Variants in ANXA9 observed in about 807,000 individuals in gnomAD.
ANXA9 encodes annexin 31.
A neutral mutation model predicts 51.8 loss-of-function variants in ANXA9; 47 were observed. The observed-to-expected ratio is 0.91, with a 90% CI of 0.72 to 1.16. ANXA9 has a LOEUF of 1.16. ANXA9 is among the 50% of genes most tolerant of loss of function. The pLI is 0.00. For missense variants in ANXA9, 361 were observed against 424.7 expected, an observed-to-expected ratio of 0.85 and a Z score of 1.32; for synonymous variants, 154 against 168.7, an observed-to-expected ratio of 0.91 and a Z score of 0.68.
In ANXA9 at chr1:150,988,095, T is replaced by G. The variant is rs776311888; in HGVS notation, c.702T>G (p.Phe234Leu). 1 of 1,614,232 alleles carries G rather than the reference T, an allele frequency of 6.2e-7. No homozygotes were observed. The highest frequency in any genetic ancestry group is 8.5e-7 in the Non-Finnish European group (1 of 1,180,042). The change falls in exon 11 of 14, where the codon TTT becomes TTG. Residue 234 changes from phenylalanine (F) to leucine (L), a missense_variant. Phe to Leu is a conservative substitution (Grantham distance 22). Coordinates refer to ENST00000368947, the MANE Select transcript of ANXA9 (RefSeq NM_003568.3). ...ACTGCCTCCTACACACACAAGTGTT[T>G]GATCAGTACCAGCGGAGCACTGGGC... ...QRNPEHLIRV[F>L]DQYQRSTGQE...
In ANXA9 at chr1:150,987,910, A is replaced by G. The variant is rs895654269; in HGVS notation, c.651A>G (p.Thr217=). 3 of 1,614,064 alleles carry G rather than the reference A, an allele frequency of 1.9e-6. No homozygotes were observed. Among genetic ancestry groups the G allele is most frequent in the Non-Finnish European group, 1.7e-6 (2 of 1,179,996 alleles). ...QRAEGPSREE[T]WVPVFTQRNP... Reference sequence around the variant, plus strand: ...CAGAAGGACCTAGCAGAGAGGAAACATGGGTCCCAGTCTTCACCCAGCGAA... The same window carrying G: ...CAGAAGGACCTAGCAGAGAGGAAACGTGGGTCCCAGTCTTCACCCAGCGAA... The change falls in exon 10 of 14, where the codon ACA becomes ACG. Residue 217 remains threonine, a synonymous_variant. Coordinates refer to ENST00000368947, the MANE Select transcript of ANXA9 (RefSeq NM_003568.3).
At chr1:150,977,680 AC>A (rs1671360003), upstream of ANXA9, among the ~76,000 whole-genome samples, 1 of 152,244 alleles carries the variant, frequency 6.6e-6, no homozygotes, top group Admixed American at 6.5e-5. Flanking sequence ...GGAACTGTTA[AC>A]ACTGAAGCCT....
chr1:150,985,546 A>C (rs1369889218), intron 7 of ANXA9, among the ~76,000 whole-genome samples: 1 of 142,268 alleles, frequency 7.0e-6, no homozygotes, highest in African/African-American at 2.7e-5. Flanking sequence ...GCTTTCCCCA[A>C]TTTTCCTTTG....
At chr1:150,984,889 C>T (rs909909668) in intron 7 of ANXA9, among the ~76,000 whole-genome samples, 5 of 151,824 alleles carry the variant, frequency 3.3e-5, no homozygotes, top group Admixed American at 6.6e-5. Flanking sequence ...AGGCCAGGTA[C>T]GGTGACTCAT....
At chr1:150,984,802 G>C in intron 7 of ANXA9, 126 bp downstream of exon 7, 1 of 717,084 alleles carries the variant, frequency 1.4e-6, no homozygotes, top group Non-Finnish European at 2.3e-6. Context: ...TTCCCTTGGG[G>C]TCTTTCCTCT....
intron 12 of ANXA9, among the ~76,000 whole-genome samples, chr1:150,993,615 T>C (rs951262062): frequency 6.7e-6 from 1 of 148,502 alleles, no homozygotes; most frequent in Non-Finnish European, 1.5e-5. Context: ...TGGCCTGTTA[T>C]TTCTTTTTTC....
intron 7 of ANXA9, 31 bp from the exon 8 acceptor site, chr1:150,986,305 A>T: frequency 6.2e-7 from 1 of 1,604,314 alleles, no homozygotes; most frequent in South Asian, 1.1e-5. Flanking sequence ...AAAACTCAGG[A>T]GGATTCAGAG....
intron 9 of ANXA9, 46 bp from the exon 10 acceptor site, chr1:150,987,826 C>A: frequency 6.5e-7 from 1 of 1,542,428 alleles, no homozygotes; most frequent in Non-Finnish European, 8.9e-7. Context: ...TAGGCCCCAA[C>A]CAATGATCCT....
chr1:150,988,154 A>T lies in ANXA9; in HGVS notation c.761A>T (p.His254Leu), dbSNP rs370252595. 5 of 1,614,078 alleles carry T rather than the reference A, an allele frequency of 3.1e-6. No individual in the cohort carries two copies. Among genetic ancestry groups the T allele is most frequent in the Non-Finnish European group, 3.4e-6 (4 of 1,180,036 alleles). Residue 254 changes from histidine to leucine, a missense_variant, in exon 11 of 14, where the codon CAT becomes CTT. His to Leu is a moderately conservative substitution (Grantham distance 99). Transcript: ENST00000368947. ...GAGGAGGCTGTCCAGAACCGTTTCCATGGAGATGCTCAGGTGGCTCTGCTC... is the reference window on the plus strand; with the variant it reads ...GAGGAGGCTGTCCAGAACCGTTTCCTTGGAGATGCTCAGGTGGCTCTGCTC... Reference protein sequence around the residue: ...ELEEAVQNRFHGDAQVALLGL... With the variant: ...ELEEAVQNRFLGDAQVALLGL...
intron 7 of ANXA9, among the ~76,000 whole-genome samples, chr1:150,985,333 G>T (rs1297719530): frequency 3.9e-5 from 6 of 151,988 alleles, no homozygotes; most frequent in Non-Finnish European, 5.9e-5. Flanking sequence ...TGCCATCCCT[G>T]CCATCACACC....
chr1:150,989,006 CTTG>C (rs1671635915), intron 12 of ANXA9, among the ~76,000 whole-genome samples: 1 of 148,398 alleles, frequency 6.7e-6, no homozygotes. Context: ...GAGTTTCACT[CTTG>C]TTGCCCAGGC....
intron 8 of ANXA9, 28 bp downstream of exon 8, chr1:150,986,443 GA>G: frequency 6.2e-7 from 1 of 1,610,868 alleles, no homozygotes; most frequent in Non-Finnish European, 8.5e-7. Flanking sequence ...GCAAGGAAGG[GA>G]GTCACGTTCA....
In ANXA9 at chr1:150,987,931, G is replaced by C; in HGVS notation, c.672G>C (p.Gln224His). 1 of 1,614,098 alleles carries C rather than the reference G, an allele frequency of 6.2e-7. No individual in the cohort carries two copies. Among genetic ancestry groups the C allele is most frequent in the Non-Finnish European group, 8.5e-7 (1 of 1,180,008 alleles). Reference sequence around the variant, plus strand: ...AAACATGGGTCCCAGTCTTCACCCAGCGAAATCCTGAACACCTCATCCGAG... The same window carrying C: ...AAACATGGGTCCCAGTCTTCACCCACCGAAATCCTGAACACCTCATCCGAG... ...REETWVPVFT[Q>H]RNPEHLIRVF... is the part of the protein sequence containing the mutation. The change falls in exon 10 of 14, where the codon CAG becomes CAC. Residue 224 changes from glutamine to histidine, a missense_variant. By Grantham distance (24) the Gln-to-His change is conservative. Transcript: ENST00000368947.
chr1:150,983,347 TG>T lies in ANXA9; in HGVS notation c.90del (p.Thr31ProfsTer9). On this transcript the variant is annotated frameshift_variant, in exon 4 of 14. Coordinates refer to ENST00000368947, the MANE Select transcript of ANXA9 (RefSeq NM_003568.3). LOFTEE classifies it high-confidence loss of function. ...CCCTGTGCTCCCACAGACTGCAGCGTGGGGGACCCTGGGCACCCTCAGGACC... is the reference window on the plus strand; with the variant it reads ...CCCTGTGCTCCCACAGACTGCAGCGTGGGGACCCTGGGCACCCTCAGGACC... ...HLGLASKTAA[W>X]GTLGTLRTFL... 1 of 1,614,082 alleles carries T rather than the reference TG, an allele frequency of 6.2e-7. No homozygotes were observed. Among genetic ancestry groups the T allele is most frequent in the Non-Finnish European group, 8.5e-7 (1 of 1,179,958 alleles).
In ANXA9 at chr1:150,986,325, C is replaced by A. The variant is rs774931541; in HGVS notation, c.473-11C>A. 1 of 1,613,422 alleles carries A rather than the reference C, an allele frequency of 6.2e-7. No individual in the cohort carries two copies. Among genetic ancestry groups the A allele is most frequent in the Non-Finnish European group, 8.5e-7 (1 of 1,179,478 alleles). ...TCAGGAGGATTCAGAGAGCTCCTCACCCCACCCCAGATTTCCAGGTGGAGG... is the reference window on the plus strand; with the variant it reads ...TCAGGAGGATTCAGAGAGCTCCTCAACCCACCCCAGATTTCCAGGTGGAGG... On this transcript the variant is annotated splice_polypyrimidine_tract_variant and intron_variant, in intron 7 of 13. Transcript: ENST00000368947.
At chr1:150,987,617 A>G (rs1433060445) in intron 9 of ANXA9, among the ~76,000 whole-genome samples, 1 of 150,702 alleles carries the variant, frequency 6.6e-6, no homozygotes, top group African/African-American at 2.5e-5. Flanking sequence ...AATCCCAGCT[A>G]CTCAGGAGGC....
Position 150,988,122 on chromosome 1 carries a change from A to G in ANXA9, c.729A>G (p.Gln243=), listed in dbSNP as rs1446604691. Residue 243 remains glutamine (Q), a synonymous_variant, in exon 11 of 14, where the codon CAA becomes CAG. Transcript: ENST00000368947. The part of the protein sequence containing the change: ...VFDQYQRSTG[Q]ELEEAVQNRF... ...ATCAGTACCAGCGGAGCACTGGGCA[A>G]GAGCTGGAGGAGGCTGTCCAGAACC... is the stretch of plus-strand genomic sequence containing the variant. 6.2e-7 allele frequency: 1 copy of G among 1,614,152 alleles called. No homozygotes were observed.
intron 12 of ANXA9, among the ~76,000 whole-genome samples, chr1:150,989,130 C>T (rs1027546946): frequency 2.6e-5 from 4 of 151,986 alleles, no homozygotes; most frequent in Non-Finnish European, 5.9e-5. Flanking sequence ...CAGGCGCCCG[C>T]CACCACATTA....
intron 12 of ANXA9, among the ~76,000 whole-genome samples, chr1:150,992,299 C>T (rs587680330): frequency 6.6e-6 from 1 of 152,186 alleles, no homozygotes; most frequent in East Asian, 1.9e-4. Flanking sequence ...CCTGTAATCC[C>T]AGCACTTTGG....
Sources: gnomAD v4.1 joint callset for allele counts (sites outside exome capture counted in the v4.1 genomes callset) on GRCh38, gnomAD v4.1.1 for gene constraint, MANE v1.5 for transcripts, NCBI Gene and HGNC (gene_info 2026-07-23, HGNC 2026-07-21) for gene names.